Variants in FAF2 observed in about 807,000 individuals in gnomAD.
FAF2 encodes FAS-associated factor 2.
Under a neutral mutation model 62.3 loss-of-function variants are expected in FAF2, and 9 were observed. The ratio of observed to expected loss-of-function variants is 0.14; its 90% CI spans 0.09 to 0.25. The LOEUF (loss-of-function observed/expected upper bound fraction) is 0.25, where lower values mean the gene tolerates loss of function less well. Among genes scored for constraint, FAF2 ranks in the 10% least tolerant of loss-of-function variants. The pLI, the probability that FAF2 is intolerant of heterozygous loss-of-function variation, is 1.00. For synonymous variants in FAF2, 202 were observed against 198.0 expected (o/e 1.02, Z -0.17); for missense variants, 368 against 556.2 (o/e 0.66, Z 3.40).
intron 7 of FAF2, among the ~76,000 whole-genome samples, chr5:176,495,930 T>C (rs1431314901): frequency 6.6e-6 from 1 of 152,066 alleles, no homozygotes; most frequent in Non-Finnish European, 1.5e-5. Flanking sequence ...AAAATGATGA[T>C]GGAGATTATT....
rs754172087 is a variant in FAF2, at chr5:176,496,649, A to G, written c.825A>G (p.Ser275=). 6.3e-7 allele frequency: 1 copy of G among 1,589,888 alleles called. No individual in the cohort carries two copies. The highest frequency in any genetic ancestry group is 8.6e-7 in the Non-Finnish European group (1 of 1,168,700). Residue 275 remains serine, a synonymous_variant, in exon 8 of 11, where the codon TCA becomes TCG. Transcript: ENST00000261942. The stretch of plus-strand genomic sequence containing the variant: ...ATGCTAACCAGACTTACCTGGTGTC[A>G]GAACGCCTAGAAAGGTACAAGGGAG... ...IMDANQTYLV[S]ERLEREERNQ...
chr5:176,492,361 A>G (rs145843648), intron 5 of FAF2, 29 bp downstream of exon 5: 2 of 1,593,402 alleles, frequency 1.3e-6, no homozygotes, highest in Non-Finnish European at 1.7e-6. Flanking sequence ...ATAGATGCCA[A>G]CTTACCGAAA....
At chr5:176,451,866 A>G (rs1758185808) in intron 1 of FAF2, among the ~76,000 whole-genome samples, 1 of 32,610 alleles carries the variant, frequency 3.1e-5, no homozygotes, top group South Asian at 1.2e-3. Flanking sequence ...ACACATATAT[A>G]TATACACACA....
At chr5:176,506,059 C>T (rs2963677) in intron 10 of FAF2, among the ~76,000 whole-genome samples, 75,820 of 151,496 alleles carry the variant, frequency 0.5, 19,012 homozygotes, top group Non-Finnish European at 0.52. Context: ...GGCGTGGTGG[C>T]GGGCGCTTGC....
intron 1 of FAF2, chr5:176,453,223 A>G (rs1226750007): frequency 1.3e-5 from 2 of 152,252 alleles, no homozygotes; most frequent in African/African-American, 4.8e-5. Flanking sequence ...AGGAGAGCTA[A>G]TGCAGGTATG....
rs186862100 is a variant in FAF2 at position 176,504,325 on chromosome 5, C to T, written c.1156-2443C>T. 5.2e-3 allele frequency among the ~76,000 whole-genome samples: 787 copies of T among 151,856 alleles called. 3 individuals are homozygous for T. Among genetic ancestry groups the T allele is most frequent in the Non-Finnish European group, 6.9e-3 (471 of 67,944 alleles). ...CTGGCCGGGCTTGGTGGCTCACGCC[C>T]ATAGTCCCAGCCTACTTTGGGAGGC... is the stretch of plus-strand genomic sequence containing the variant. On this transcript the variant is annotated intron_variant, in intron 10 of 10. Coordinates refer to ENST00000261942, the MANE Select transcript of FAF2 (RefSeq NM_014613.3).
Position 176,498,908 on chromosome 5 carries a change from T to C in FAF2, c.840-6T>C, listed in dbSNP as rs764610586. ...TTTTCTTCTCTTGCTTTTGATCTAT[T>C]CACAGGGAAGAAAGAAACCAGACCC... On this transcript the variant is annotated splice_polypyrimidine_tract_variant and splice_region_variant and intron_variant, in intron 8 of 10. Coordinates refer to ENST00000261942, the MANE Select transcript of FAF2 (RefSeq NM_014613.3). 15 of 1,586,770 alleles carry C rather than the reference T, an allele frequency of 9.5e-6. No homozygotes were observed. The highest frequency in any genetic ancestry group is 1.3e-5 in the Non-Finnish European group (15 of 1,167,308).
chr5:176,488,067 T>G (rs980666965), intron 3 of FAF2, among the ~76,000 whole-genome samples: 1 of 152,214 alleles, frequency 6.6e-6, no homozygotes, highest in Non-Finnish European at 1.5e-5. Flanking sequence ...GGTCTCAAAC[T>G]CCTGACCTCA....
At chr5:176,496,398 A>T in intron 7 of FAF2, 88 bp from the exon 8 acceptor site, 1 of 1,050,964 alleles carries the variant, frequency 9.5e-7, no homozygotes. Context: ...GGATTAAAAC[A>T]GTTCTCTCTC....
At chr5:176,466,408 C>G (rs562774685) in intron 1 of FAF2, among the ~76,000 whole-genome samples, 1 of 152,248 alleles carries the variant, frequency 6.6e-6, no homozygotes, top group South Asian at 2.1e-4. Context: ...ACCAACAAGC[C>G]AATTGGAATT....
intron 4 of FAF2, among the ~76,000 whole-genome samples, chr5:176,489,292 T>TC (rs3842082): frequency 7.9e-4 from 112 of 141,078 alleles, no homozygotes; most frequent in African/African-American, 1.9e-3. Context: ...TGTCTCCCCC[T>TC]CCCCCCCCCA....
At position 176,473,179 on chromosome 5, in the gene FAF2, G is replaced by A. The variant is rs138906407; in HGVS notation, c.64-6009G>A. Among the ~76,000 whole-genome samples the A allele has an allele frequency of 3.4e-3, 512 of 152,096 alleles. 4 individuals carry two copies. Among genetic ancestry groups the A allele is most frequent in the African/African-American group, 0.012 (499 of 41,496 alleles). On this transcript the variant is annotated intron_variant, in intron 1 of 10. Coordinates refer to ENST00000261942, the MANE Select transcript of FAF2 (RefSeq NM_014613.3). ...TTTTGTGTTCCAGGATCCCATTTAG[G>A]GTACTACATGCCATTTAGTAGTCAC...
chr5:176,448,499 G>A (rs1313975125), intron 1 of FAF2, 29 bp downstream of exon 1: 2 of 1,572,584 alleles, frequency 1.3e-6, no homozygotes, highest in Non-Finnish European at 1.7e-6. Flanking sequence ...TGCAGCAGAT[G>A]CCTCCGTGGG....
intron 1 of FAF2, among the ~76,000 whole-genome samples, chr5:176,461,118 T>C (rs1758370770): frequency 6.6e-6 from 1 of 151,810 alleles, no homozygotes; most frequent in Non-Finnish European, 1.5e-5. Flanking sequence ...GTTCAAGCGA[T>C]GTCTCTTGCC....
rs563960385 is a variant in FAF2 at position 176,487,509 on chromosome 5, A to C, written c.267+1020A>C. Among the ~76,000 whole-genome samples, 17 of 152,142 alleles carry C rather than the reference A, an allele frequency of 1.1e-4. No individual in the cohort carries two copies. The South Asian group carries it at 3.5e-3, about 32-fold the overall frequency. On this transcript the variant is annotated intron_variant, in intron 3 of 10. Transcript: ENST00000261942. ...ACTTGATGTTTTAAAACATGTTTCTAAGTAGTGCTCTGTGGTTTTCTGAAG... is the reference window on the plus strand; with the variant it reads ...ACTTGATGTTTTAAAACATGTTTCTCAGTAGTGCTCTGTGGTTTTCTGAAG...
intron 10 of FAF2, among the ~76,000 whole-genome samples, chr5:176,502,149 TC>T (rs1444997981): frequency 6.6e-6 from 1 of 152,260 alleles, no homozygotes; most frequent in Non-Finnish European, 1.5e-5. Context: ...AGCGTTAATT[TC>T]CTTCCCCTGG....
rs1315732253 is a variant in FAF2 at position 176,479,178 on chromosome 5, T to C, written c.64-10T>C. ...TTCTCTAAGTAACTTGTTTTCATCC[T>C]TCTTTTCAGGATCTCACTGGCATCG... On this transcript the variant is annotated splice_polypyrimidine_tract_variant and intron_variant, in intron 1 of 10. Coordinates refer to ENST00000261942, the MANE Select transcript of FAF2 (RefSeq NM_014613.3). 6.2e-7 allele frequency: 1 copy of C among 1,613,282 alleles called. No homozygotes were observed. Among genetic ancestry groups the C allele is most frequent in the South Asian group, 1.1e-5 (1 of 91,078 alleles).
chr5:176,467,129 C>CTTTTTTTTTTTTT (rs374702773), intron 1 of FAF2, among the ~76,000 whole-genome samples: 3 of 94,032 alleles, frequency 3.2e-5, no homozygotes, highest in African/African-American at 4.5e-5. Context: ...TTTTTTTTTC[C>CTTTTTTTTTTTTT]TTTTTTTTTT....
At chr5:176,464,570 G>A (rs905564678) in intron 1 of FAF2, among the ~76,000 whole-genome samples, 9 of 142,626 alleles carry the variant, frequency 6.3e-5, no homozygotes, top group Admixed American at 2.2e-4. Flanking sequence ...ATAGCTCACT[G>A]TAGCCTCGAC....
Sources: gnomAD v4.1 joint callset for allele counts (sites outside exome capture counted in the v4.1 genomes callset) on GRCh38, gnomAD v4.1.1 for gene constraint, MANE v1.5 for transcripts, NCBI Gene and HGNC (gene_info 2026-07-23, HGNC 2026-07-21) for gene names.